RAB1A: variants seen among roughly 807,000 people sequenced by gnomAD.
The protein encoded by RAB1A is ras-related protein Rab-1A.
RAB1A carries 2 observed loss-of-function variants against 26.0 expected under a neutral mutation model. The ratio of observed to expected loss-of-function variants is 0.08; its 90% CI spans 0.03 to 0.24. The LOEUF is 0.24. Ranked by LOEUF, RAB1A falls within the 10% of genes least tolerant of loss-of-function variation. RAB1A has a pLI of 1.00. For synonymous variants in RAB1A, 84 were observed against 84.9 expected, an observed-to-expected ratio of 0.99 and a Z score of 0.06; for missense variants, 100 against 247.0, an observed-to-expected ratio of 0.40 and a Z score of 3.99.
At position 65,107,066 on chromosome 2, in the gene RAB1A, T is replaced by G. The variant is rs191261869; in HGVS notation, c.24-2260A>C. Among the ~76,000 whole-genome samples the G allele has an allele frequency of 2.8e-3, 390 of 141,162 alleles. 4 individuals are homozygous for G. The highest frequency in any genetic ancestry group is 9.8e-3 in the African/African-American group (369 of 37,516). 92.6% of individuals were successfully genotyped at this position (141,162 alleles called of 152,430 possible). Reference sequence around the variant, plus strand: ...CCATGCCTGGCCCCAAATATTCTTTTTTTGTTTGTTTGTTTTGAGACAAGA... The same window carrying G: ...CCATGCCTGGCCCCAAATATTCTTTGTTTGTTTGTTTGTTTTGAGACAAGA... On this transcript the variant is annotated intron_variant, in intron 1 of 5. Coordinates refer to ENST00000409784, the MANE Select transcript of RAB1A (RefSeq NM_004161.5).
chr2:65,114,269 C>A (rs2103866179), intron 1 of RAB1A: 2 of 259,558 alleles, frequency 7.7e-6, no homozygotes, highest in East Asian at 9.2e-5. Context: ...AACATTCCAC[C>A]CTTTGGAAAC....
At chr2:65,123,194 A>G (rs10209083) in intron 1 of RAB1A, among the ~76,000 whole-genome samples, 99,615 of 139,834 alleles carry the variant, frequency 0.71, 35,813 homozygotes, top group African/African-American at 0.8. Flanking sequence ...TTTTTGAGAC[A>G]GAGTCTCGCT....
intron 2 of RAB1A, 89 bp from the exon 3 acceptor site, chr2:65,098,155 G>A: frequency 2.9e-6 from 2 of 701,584 alleles, no homozygotes; most frequent in South Asian, 2.7e-5. Context: ...TTGTTCAAGA[G>A]TAAATAAAAA....
intron 1 of RAB1A, among the ~76,000 whole-genome samples, chr2:65,126,147 G>A (rs1427348389): frequency 1.3e-5 from 2 of 151,682 alleles, no homozygotes; most frequent in Non-Finnish European, 2.9e-5. Flanking sequence ...AGAGATGGCT[G>A]GGTACTCTAT....
rs1201745425 is a variant in RAB1A at position 65,103,299 on chromosome 2, C to CAAA, written c.96+1432_96+1434dup. On this transcript the variant is annotated intron_variant, in intron 2 of 5. Transcript: ENST00000409784. ...TTGGCAACACAGCCAGAATCTGTCT[C>CAAA]AAAAAAAAAAAAAAACATTGTTTTA... Among the ~76,000 whole-genome samples the CAAA allele has an allele frequency of 1.6e-4, 7 of 44,108 alleles. 1 individual carries two copies. The highest frequency in any genetic ancestry group is 5.4e-4 in the African/African-American group (7 of 12,938). 28.9% of individuals were successfully genotyped at this position (44,108 alleles called of 152,430 possible). A position where few individuals can be genotyped will look rare whatever the true frequency, so the allele number is the denominator to read the frequency against.
At chr2:65,106,562 A>G (rs564980510) in intron 1 of RAB1A, among the ~76,000 whole-genome samples, 1 of 151,010 alleles carries the variant, frequency 6.6e-6, no homozygotes, top group African/African-American at 2.4e-5. Flanking sequence ...TTATTGTTAT[A>G]CTTATTGTCT....
chr2:65,111,134 G>A (rs1057070077), intron 1 of RAB1A, among the ~76,000 whole-genome samples: 6 of 152,076 alleles, frequency 3.9e-5, no homozygotes, highest in Admixed American at 3.3e-4. Context: ...GGCCAACGCG[G>A]GTGGATTGCC....
intron 2 of RAB1A, among the ~76,000 whole-genome samples, chr2:65,103,063 T>C (rs1669468083): frequency 6.7e-6 from 1 of 150,296 alleles, no homozygotes; most frequent in Non-Finnish European, 1.5e-5. Flanking sequence ...AAGTGCTTTC[T>C]CCAGCACTTT....
At chr2:65,118,516 C>G (rs1316962930) in intron 1 of RAB1A, among the ~76,000 whole-genome samples, 1 of 152,140 alleles carries the variant, frequency 6.6e-6, no homozygotes, top group Admixed American at 6.5e-5. Flanking sequence ...TTTGCTCTGT[C>G]GCGCAGGCTG....
chr2:65,118,016 T>C (rs1669864510), intron 1 of RAB1A, among the ~76,000 whole-genome samples: 1 of 152,266 alleles, frequency 6.6e-6, no homozygotes, highest in South Asian at 2.1e-4. Flanking sequence ...AACTCTTCTC[T>C]GCCTCTGTTT....
At chr2:65,109,067 G>A (rs1247331259) in intron 1 of RAB1A, among the ~76,000 whole-genome samples, 3 of 152,160 alleles carry the variant, frequency 2.0e-5, no homozygotes, top group East Asian at 1.9e-4. Flanking sequence ...ACGTTAACTT[G>A]CATTGGGACA....
intron 2 of RAB1A, among the ~76,000 whole-genome samples, chr2:65,101,157 G>A (rs904898753): frequency 7.7e-6 from 1 of 130,156 alleles, no homozygotes; most frequent in Admixed American, 7.7e-5. Context: ...AAAAAAAAAA[G>A]AAAAAGAAAG....
At chr2:65,100,582 A>G (rs1254906824) in intron 2 of RAB1A, among the ~76,000 whole-genome samples, 4 of 151,744 alleles carry the variant, frequency 2.6e-5, no homozygotes, top group Admixed American at 2.6e-4. Flanking sequence ...CAACATGGTG[A>G]AACCCTGTCT....
At chr2:65,100,400 C>CAAA (rs34166798) in intron 2 of RAB1A, among the ~76,000 whole-genome samples, 9,036 of 57,822 alleles carry the variant, frequency 0.16, 757 homozygotes, top group Middle Eastern at 0.19. Flanking sequence ...GTCTCTGTCT[C>CAAA]AAAAAAAAAA....
intron 1 of RAB1A, among the ~76,000 whole-genome samples, chr2:65,118,886 A>G (rs1365513408): frequency 6.6e-6 from 1 of 152,150 alleles, no homozygotes; most frequent in African/African-American, 2.4e-5. Flanking sequence ...TTTTTTAATA[A>G]AAAGTTTTTA....
chr2:65,114,461 T>C (rs1254435915), intron 1 of RAB1A, among the ~76,000 whole-genome samples: 1 of 152,232 alleles, frequency 6.6e-6, no homozygotes, highest in African/African-American at 2.4e-5. Context: ...CTCTTTCATC[T>C]AGAATGGATT....
At chr2:65,123,323 A>C (rs1162344402) in intron 1 of RAB1A, among the ~76,000 whole-genome samples, 1 of 151,582 alleles carries the variant, frequency 6.6e-6, no homozygotes, top group African/African-American at 2.4e-5. Flanking sequence ...GGCGCCTGCC[A>C]CCACGCCCAG....
chr2:65,106,251 A>G (rs1283314444), intron 1 of RAB1A: 2 of 204,172 alleles, frequency 9.8e-6, no homozygotes, highest in Admixed American at 1.2e-4. Context: ...AAGGACAAAA[A>G]CCTTAGAATT....
chr2:65,118,760 C>A (rs1303442903), intron 1 of RAB1A, among the ~76,000 whole-genome samples: 4 of 152,200 alleles, frequency 2.6e-5, no homozygotes, highest in African/African-American at 9.6e-5. Context: ...CTACAGGCGT[C>A]AGCCCCCGCA....
Sources: allele counts gnomAD v4.1 joint callset (sites outside exome capture counted in the v4.1 genomes callset), GRCh38; gene constraint gnomAD v4.1.1; transcripts MANE v1.5; gene names NCBI Gene and HGNC (gene_info 2026-07-23, HGNC 2026-07-21).